Variants in ASCC3 observed in about 807,000 individuals in gnomAD.
ASCC3 encodes activating signal cointegrator 1 complex subunit 3, also known as ASC-1 complex subunit P200.
In ASCC3, 158 loss-of-function variants were observed where a neutral mutation model predicts 256.3. That is an observed-to-expected ratio of 0.62 (90% CI 0.54 to 0.70). The LOEUF (loss-of-function observed/expected upper bound fraction) is 0.70. Among genes scored for constraint, ASCC3 ranks in the 30% least tolerant of loss-of-function variants. The pLI, the probability that ASCC3 is intolerant of heterozygous loss-of-function variation, is 0.00. For synonymous variants in ASCC3, 948 were observed against 883.4 expected (o/e 1.07, Z -1.30); for missense variants, 2,259 against 2,626.0 (o/e 0.86, Z 3.05).
intron 1 of ASCC3, among the ~76,000 whole-genome samples, chr6:100,869,149 C>G (rs1360290660): frequency 4.6e-5 from 7 of 152,146 alleles, no homozygotes; most frequent in Non-Finnish European, 1.0e-4. Context: ...TCACAACTAT[C>G]AGGGAGGTGG....
chr6:100,642,734 C>G lies in ASCC3; in HGVS notation c.3748G>C (p.Ala1250Pro). 6.2e-7 allele frequency: 1 copy of G among 1,613,270 alleles called. No homozygotes were observed. Among genetic ancestry groups the G allele is most frequent in the Non-Finnish European group, 8.5e-7 (1 of 1,179,348 alleles). ...GGGATTGTAAATACCAGTAGTTGGG[C>G]TTCTTTACTAATGACCTAATATGAA... is the stretch of plus-strand genomic sequence containing the variant. ...ALKKQVISKE[A>P]QLLVFTIPIF... is the part of the protein sequence containing the mutation. The change falls in exon 24 of 42, where the codon GCC (alanine) becomes CCC (proline). Residue 1250 changes from alanine (A) to proline (P), a missense_variant. By Grantham distance (27) the Ala-to-Pro change is conservative. Around this residue, in one of 2 missense-constraint regions of ASCC3, gnomAD observed 1,839 missense variants for 2,206.7 expected, o/e 0.83. Transcript: ENST00000369162.
intron 34 of ASCC3, among the ~76,000 whole-genome samples, chr6:100,594,472 C>T (rs1772175980): frequency 6.6e-6 from 1 of 152,078 alleles, no homozygotes; most frequent in Non-Finnish European, 1.5e-5. Flanking sequence ...GCTTGGTTTG[C>T]TTCCAGCTTT....
intron 1 of ASCC3, among the ~76,000 whole-genome samples, chr6:100,875,766 C>T (rs999043399): frequency 6.6e-6 from 1 of 152,016 alleles, no homozygotes; most frequent in African/African-American, 2.4e-5. Context: ...AGCCACTCTG[C>T]GGTCCTAGAT....
intron 37 of ASCC3, among the ~76,000 whole-genome samples, chr6:100,535,466 G>GTTTTTTTTT (rs34575315): frequency 1.3e-4 from 13 of 98,656 alleles, no homozygotes; most frequent in African/African-American, 1.5e-4. Context: ...TGGTTTTCGT[G>GTTTTTTTTT]TTTTTTTTTT....
chr6:100,730,750 C>G (rs1041138483), intron 10 of ASCC3, among the ~76,000 whole-genome samples: 3 of 152,182 alleles, frequency 2.0e-5, no homozygotes. Flanking sequence ...ATAATGGAAT[C>G]TGACAGCTTG....
intron 4 of ASCC3, among the ~76,000 whole-genome samples, chr6:100,808,399 A>G (rs1453918471): frequency 1.3e-5 from 2 of 151,956 alleles, no homozygotes; most frequent in Non-Finnish European, 2.9e-5. Flanking sequence ...CTGCTTGTCA[A>G]GTTTTAATTT....
intron 3 of ASCC3, chr6:100,856,564 T>G: frequency 2.7e-6 from 1 of 368,588 alleles, no homozygotes; most frequent in South Asian, 1.1e-4. Flanking sequence ...ACCTGTGTAA[T>G]CTGGTTAACT....
chr6:100,607,205 TAA>T, intron 30 of ASCC3, 117 bp from the exon 31 acceptor site: 1 of 1,043,032 alleles, frequency 9.6e-7, no homozygotes, highest in Non-Finnish European at 1.4e-6. Context: ...ACATAAAATA[TAA>T]GTCCTATATA....
At chr6:100,747,564 A>G (rs1780742144) in intron 10 of ASCC3, among the ~76,000 whole-genome samples, 2 of 152,158 alleles carry the variant, frequency 1.3e-5, no homozygotes, top group Admixed American at 1.3e-4. Flanking sequence ...AAAAAAATGA[A>G]CTATTAATAC....
chr6:100,728,738 T>C (rs1197225576), intron 10 of ASCC3, among the ~76,000 whole-genome samples: 1 of 152,224 alleles, frequency 6.6e-6, no homozygotes, highest in East Asian at 1.9e-4. Context: ...TTAAGTATAA[T>C]CACTTTTTAC....
In ASCC3 at chr6:100,655,775, C is replaced by A; in HGVS notation, c.2747G>T (p.Trp916Leu). ...TACATAAAGATAAGTGTAACTTATC[C>A]ACTTCACTGCTTCTTCCACATTAGT... ...TVTNVEEAVK[W>L]ISYTYLYVRM... The change falls in exon 17 of 42, where the codon TGG becomes TTG. Residue 916 changes from tryptophan to leucine, a missense_variant. By Grantham distance (61) the Trp-to-Leu change is moderately conservative. Coordinates refer to ENST00000369162, the MANE Select transcript of ASCC3 (RefSeq NM_006828.4). The A allele has an allele frequency of 5.6e-6, 9 of 1,611,132 alleles. No homozygotes were observed. Among genetic ancestry groups the A allele is most frequent in the Non-Finnish European group, 7.6e-6 (9 of 1,178,406 alleles).
At chr6:100,832,799 A>G (rs1771685596) in intron 4 of ASCC3, among the ~76,000 whole-genome samples, 1 of 152,144 alleles carries the variant, frequency 6.6e-6, no homozygotes, top group Non-Finnish European at 1.5e-5. Flanking sequence ...GGGAAGAATG[A>G]TAAACCCAAA....
intron 10 of ASCC3, 120 bp downstream of exon 10, chr6:100,766,444 AG>A: frequency 9.2e-7 from 1 of 1,081,358 alleles, no homozygotes; most frequent in Non-Finnish European, 1.4e-6. Context: ...TACAAATAAA[AG>A]TTCACTATAT....
chr6:100,598,101 A>G (rs1772402743), intron 34 of ASCC3, among the ~76,000 whole-genome samples: 1 of 152,064 alleles, frequency 6.6e-6, no homozygotes, highest in Admixed American at 6.6e-5. Context: ...TGAGGAGGGT[A>G]CTGCAGGCAA....
chr6:100,640,225 A>T (rs1038316703), intron 24 of ASCC3, among the ~76,000 whole-genome samples: 5 of 152,118 alleles, frequency 3.3e-5, no homozygotes, highest in African/African-American at 9.7e-5. Flanking sequence ...AAAAGACTAA[A>T]AAATAAATAA....
intron 10 of ASCC3, among the ~76,000 whole-genome samples, chr6:100,758,761 A>G (rs557897259): frequency 5.3e-5 from 8 of 152,284 alleles, no homozygotes; most frequent in African/African-American, 1.9e-4. Flanking sequence ...TATACCCAGT[A>G]TTGAGATTGT....
intron 14 of ASCC3, among the ~76,000 whole-genome samples, chr6:100,677,392 A>T (rs190524916): frequency 5.4e-4 from 82 of 152,146 alleles, no homozygotes; most frequent in African/African-American, 1.9e-3. Context: ...ACTGGATTTG[A>T]TCTGTTTGCT....
At chr6:100,686,169 T>C (rs577143790) in intron 13 of ASCC3, among the ~76,000 whole-genome samples, 86 of 152,298 alleles carry the variant, frequency 5.6e-4, no homozygotes, top group Middle Eastern at 3.4e-3. Context: ...GGGGTTGTTG[T>C]GAGAAATGAG....
intron 11 of ASCC3, among the ~76,000 whole-genome samples, chr6:100,719,814 C>T (rs1235387360): frequency 2.0e-5 from 3 of 151,906 alleles, no homozygotes; most frequent in Non-Finnish European, 4.4e-5. Flanking sequence ...TTTTCCTTCA[C>T]ATAAAATTTA....
Sources: allele counts gnomAD v4.1 joint callset (sites outside exome capture counted in the v4.1 genomes callset), GRCh38; gene constraint gnomAD v4.1.1; regional missense constraint gnomAD v4.1.1; transcripts MANE v1.5; gene names NCBI Gene and HGNC (gene_info 2026-07-23, HGNC 2026-07-21).